ROBO1: variants seen among roughly 807,000 people sequenced by gnomAD.
ROBO1 encodes the protein roundabout homolog 1.
In ROBO1, 149 loss-of-function variants were observed where a neutral mutation model predicts 195.9. That is an observed-to-expected ratio of 0.76 (90% confidence interval 0.67 to 0.87). ROBO1 has a LOEUF of 0.87. Among genes scored for constraint, ROBO1 ranks in the 40% least tolerant of loss-of-function variants. The pLI, the probability that ROBO1 is intolerant of heterozygous loss-of-function variation, is 0.00. For synonymous variants in ROBO1, 816 were observed against 733.2 expected (o/e 1.11, Z -1.82); for missense variants, 1,933 against 2,068.3 (o/e 0.93, Z 1.27).
At chr3:79,656,516 G>A (rs1005239892) in intron 1 of ROBO1, among the ~76,000 whole-genome samples, 4 of 151,750 alleles carry the variant, frequency 2.6e-5, no homozygotes, top group Non-Finnish European at 5.9e-5. Flanking sequence ...ATTTATTTTT[G>A]TCTATCAATT....
At chr3:79,339,681 TG>T (rs1438499664) in intron 2 of ROBO1, among the ~76,000 whole-genome samples, 2 of 152,190 alleles carry the variant, frequency 1.3e-5, no homozygotes, top group Non-Finnish European at 2.9e-5. Context: ...TTTTTAGTTT[TG>T]TATTTTCCAT....
intron 2 of ROBO1, among the ~76,000 whole-genome samples, chr3:79,530,222 G>A (rs1028099922): frequency 6.6e-6 from 1 of 151,742 alleles, no homozygotes; most frequent in South Asian, 2.1e-4. Flanking sequence ...CTGCCAAAGC[G>A]CTCATAACAG....
At position 79,397,193 on chromosome 3, in the gene ROBO1, A is replaced by G. The variant is rs146675754; in HGVS notation, c.88+192631T>C. ...AAAAAGTGTTTTGGAAGACTTGCAG[A>G]TATGTGTATATATAAAATTAATAAG... On this transcript the variant is annotated intron_variant, in intron 2 of 30. Transcript: ENST00000464233. Among the ~76,000 whole-genome samples, 608 of 151,036 alleles carry G rather than the reference A, an allele frequency of 4.0e-3. 3 individuals are homozygous for G. Among genetic ancestry groups the G allele is most frequent in the African/African-American group, 0.014 (570 of 41,332 alleles).
chr3:78,663,115 A>G (rs891532628), intron 14 of ROBO1, among the ~76,000 whole-genome samples: 3 of 152,078 alleles, frequency 2.0e-5, no homozygotes, highest in Non-Finnish European at 4.4e-5. Context: ...TGAGAATTTT[A>G]GTTTAATGAA....
chr3:79,438,183 T>C (rs541314451), intron 2 of ROBO1, among the ~76,000 whole-genome samples: 15 of 152,110 alleles, frequency 9.9e-5, no homozygotes, highest in African/African-American at 3.4e-4. Context: ...TATTCTCTCA[T>C]ATGAATTTAT....
chr3:79,616,691 G>T (rs563664991), intron 1 of ROBO1, among the ~76,000 whole-genome samples: 14 of 152,122 alleles, frequency 9.2e-5, no homozygotes, highest in Admixed American at 2.6e-4. Context: ...GATGTGAAGA[G>T]AGGATCTTCT....
chr3:79,109,444 A>T (rs929230403), intron 3 of ROBO1, among the ~76,000 whole-genome samples: 8 of 151,944 alleles, frequency 5.3e-5, no homozygotes, highest in East Asian at 1.9e-4. Flanking sequence ...GCATTATTAA[A>T]TTTTTTCTGT....
chr3:79,691,730 A>G (rs978226529), intron 1 of ROBO1, among the ~76,000 whole-genome samples: 10 of 151,872 alleles, frequency 6.6e-5, no homozygotes, highest in Non-Finnish European at 1.5e-4. Flanking sequence ...TTCTTTTTTA[A>G]TAACTAGCAC....
intron 5 of ROBO1, among the ~76,000 whole-genome samples, chr3:78,744,608 G>A (rs1352846220): frequency 6.6e-6 from 1 of 152,096 alleles, no homozygotes; most frequent in Non-Finnish European, 1.5e-5. Flanking sequence ...TAGTGAATGC[G>A]TTAGGTATAC....
At chr3:78,670,360 C>T in intron 10 of ROBO1, 59 bp from the exon 11 acceptor site, 1 of 1,406,646 alleles carries the variant, frequency 7.1e-7, no homozygotes, top group Non-Finnish European at 9.8e-7. Flanking sequence ...TTCTAATCAT[C>T]CAAGCAACAG....
chr3:79,116,682 TA>T (rs1216162069), intron 3 of ROBO1, among the ~76,000 whole-genome samples: 4 of 151,924 alleles, frequency 2.6e-5, no homozygotes, highest in Non-Finnish European at 5.9e-5. Flanking sequence ...CACGCCCAGC[TA>T]ATTTTTGTAT....
At chr3:79,227,031 C>G (rs910280121) in intron 2 of ROBO1, among the ~76,000 whole-genome samples, 1 of 152,196 alleles carries the variant, frequency 6.6e-6, no homozygotes, top group Admixed American at 6.5e-5. Context: ...CGTGATTCAA[C>G]TGGATAAAAT....
intron 8 of ROBO1, among the ~76,000 whole-genome samples, chr3:78,703,610 T>G (rs887492460): frequency 2.0e-5 from 3 of 151,828 alleles, no homozygotes; most frequent in Admixed American, 6.6e-5. Context: ...AGGAGGAGGA[T>G]GAGGAGGAGA....
At chr3:79,670,355 T>C (rs1946596776) in intron 1 of ROBO1, among the ~76,000 whole-genome samples, 2 of 151,854 alleles carry the variant, frequency 1.3e-5, no homozygotes, top group Admixed American at 6.6e-5. Context: ...TTATGGTTAA[T>C]GGTCTTTTAT....
At chr3:79,021,810 G>A (rs1025585319) in intron 3 of ROBO1, among the ~76,000 whole-genome samples, 3 of 152,032 alleles carry the variant, frequency 2.0e-5, no homozygotes, top group Middle Eastern at 6.8e-3. Context: ...ACAGGCGCCC[G>A]CCACCACTCC....
intron 1 of ROBO1, among the ~76,000 whole-genome samples, chr3:79,740,675 T>C (rs1703608162): frequency 6.6e-6 from 1 of 152,130 alleles, no homozygotes; most frequent in Non-Finnish European, 1.5e-5. Context: ...GCCCCCATGA[T>C]TCAATTCTCT....
chr3:79,084,151 T>C (rs185774580), intron 3 of ROBO1, among the ~76,000 whole-genome samples: 27 of 152,338 alleles, frequency 1.8e-4, no homozygotes, highest in Non-Finnish European at 2.8e-4. Context: ...ATTTAGTTTT[T>C]TTCTGTGTGT....
intron 2 of ROBO1, among the ~76,000 whole-genome samples, chr3:79,400,916 T>C (rs1265854037): frequency 6.6e-6 from 1 of 151,904 alleles, no homozygotes; most frequent in African/African-American, 2.4e-5. Context: ...ATTTTAACTT[T>C]AGAAATTCAT....
At chr3:79,208,014 AT>A (rs1191744775) in intron 2 of ROBO1, among the ~76,000 whole-genome samples, 1 of 152,204 alleles carries the variant, frequency 6.6e-6, no homozygotes, top group African/African-American at 2.4e-5. Context: ...AAAAAGTTTT[AT>A]TTGTAAAAAA....
Sources: gnomAD v4.1 joint callset for allele counts (sites outside exome capture counted in the v4.1 genomes callset) on GRCh38, gnomAD v4.1.1 for gene constraint, MANE v1.5 for transcripts, NCBI Gene and HGNC (gene_info 2026-07-23, HGNC 2026-07-21) for gene names.